Variants in NFIC observed in about 807,000 individuals in gnomAD.
The protein encoded by NFIC is nuclear factor I C, also known as nuclear factor 1 C-type.
Under a neutral mutation model 54.4 loss-of-function variants are expected in NFIC, and 12 were observed. That is an observed-to-expected ratio of 0.22 (90% CI 0.14 to 0.36). The LOEUF (loss-of-function observed/expected upper bound fraction) is 0.36, where lower values mean the gene tolerates loss of function less well. NFIC is among the 10% of genes least tolerant of loss of function. NFIC has a pLI of 1.00. For synonymous variants in NFIC, 322 were observed against 319.2 expected (o/e 1.01, Z -0.09); for missense variants, 575 against 718.2 (o/e 0.80, Z 2.28).
intron 2 of NFIC, among the ~76,000 whole-genome samples, chr19:3,404,624 G>A (rs933217870): frequency 1.3e-5 from 2 of 152,088 alleles, no homozygotes; most frequent in Admixed American, 6.5e-5. Flanking sequence ...GGGCAGGGCC[G>A]GGTGCCCGAG....
At chr19:3,366,556 C>CGGGGGGGGGGGGGGGGGGGGGG, upstream of NFIC, 2 of 490,740 alleles carry the variant, frequency 4.1e-6, no homozygotes, top group Non-Finnish European at 5.8e-6. Flanking sequence ...TTGGGGGGGG[C>CGGGGGGGGGGGGGGGGGGGGGG]GGGGGGGTGG....
intron 2 of NFIC, among the ~76,000 whole-genome samples, chr19:3,390,569 A>G (rs1178579978): frequency 1.3e-5 from 2 of 152,134 alleles, no homozygotes; most frequent in African/African-American, 4.8e-5. Flanking sequence ...TCCCCCATCA[A>G]ATGGGGATGA....
At chr19:3,366,264 C>T (rs955086688), upstream of NFIC, among the ~76,000 whole-genome samples, 5 of 140,840 alleles carry the variant, frequency 3.6e-5, no homozygotes, top group African/African-American at 8.0e-5. Context: ...CCTGAGACGT[C>T]GGGGGAGGCT....
chr19:3,462,880 C>A lies in NFIC; in HGVS notation c.*111C>A. On this transcript the variant is annotated 3_prime_UTR_variant, in exon 11 of 11. Transcript: ENST00000443272. ...GGAAAATTAGAGTGAACAAGAACACCCCTGCCGACTCCCAGCCCGGCCAAA... is the reference window on the plus strand; with the variant it reads ...GGAAAATTAGAGTGAACAAGAACACACCTGCCGACTCCCAGCCCGGCCAAA... 1 of 1,588,344 alleles carries A rather than the reference C, an allele frequency of 6.3e-7. No individual in the cohort carries two copies. The highest frequency in any genetic ancestry group is 8.5e-7 in the Non-Finnish European group (1 of 1,170,512).
intron 6 of NFIC, among the ~76,000 whole-genome samples, chr19:3,448,735 A>T (rs1440692835): frequency 6.6e-6 from 1 of 152,094 alleles, no homozygotes; most frequent in African/African-American, 2.4e-5. Context: ...ATTTCTCTGG[A>T]AGGAGAGTAG....
At chr19:3,366,384 CAGAG>C (rs901160305), upstream of NFIC, among the ~76,000 whole-genome samples, 624 of 147,990 alleles carry the variant, frequency 4.2e-3, 4 homozygotes, top group African/African-American at 0.014. Flanking sequence ...GAGAGAGAGA[CAGAG>C]AGACAGAGAC....
At chr19:3,456,151 A>T (rs2082551230) in intron 9 of NFIC, among the ~76,000 whole-genome samples, 1 of 152,254 alleles carries the variant, frequency 6.6e-6, no homozygotes, top group Non-Finnish European at 1.5e-5. Context: ...GAGGAAGATT[A>T]ATAAATAAAA....
intron 1 of NFIC, among the ~76,000 whole-genome samples, 172 bp from the exon 2 acceptor site, chr19:3,381,540 G>A (rs978292326): frequency 6.6e-6 from 1 of 152,080 alleles, no homozygotes; most frequent in Non-Finnish European, 1.5e-5. Context: ...GGCCTTTTGC[G>A]TGCCTCCGGC....
intron 2 of NFIC, among the ~76,000 whole-genome samples, chr19:3,417,360 G>A (rs573513875): frequency 1.1e-4 from 17 of 152,278 alleles, no homozygotes; most frequent in South Asian, 2.1e-4. Context: ...TACGCTGTGC[G>A]CACTGGGCCT....
chr19:3,448,665 C>T (rs1201921475), intron 6 of NFIC, among the ~76,000 whole-genome samples: 2 of 152,194 alleles, frequency 1.3e-5, no homozygotes, highest in East Asian at 3.8e-4. Context: ...TCTGCCCTCC[C>T]TGCCACCTTC....
chr19:3,397,971 C>T (rs1028721649), intron 2 of NFIC, among the ~76,000 whole-genome samples: 1 of 152,208 alleles, frequency 6.6e-6, no homozygotes, highest in Non-Finnish European at 1.5e-5. Flanking sequence ...CCCTTCATCT[C>T]TCTGTGCCTC....
intron 2 of NFIC, among the ~76,000 whole-genome samples, chr19:3,388,097 C>T (rs948748505): frequency 2.0e-5 from 3 of 152,182 alleles, no homozygotes; most frequent in Non-Finnish European, 4.4e-5. Flanking sequence ...GGGCCAGCCT[C>T]CTGTTCCCGC....
chr19:3,436,230 G>A (rs1019681679), intron 6 of NFIC, among the ~76,000 whole-genome samples: 2 of 148,710 alleles, frequency 1.3e-5, no homozygotes, highest in Non-Finnish European at 3.0e-5. Flanking sequence ...CTGCAGCCTC[G>A]ACCTCCCAGG....
chr19:3,445,396 G>T (rs1185263541), intron 6 of NFIC, among the ~76,000 whole-genome samples: 8 of 152,208 alleles, frequency 5.3e-5, no homozygotes, highest in African/African-American at 1.9e-4. Context: ...TCTCTGGGTG[G>T]CTCAGCCTCG....
chr19:3,453,797 A>AAAATGGT lies in NFIC; in HGVS notation c.1304_1305insAAATGGT (p.His435GlnfsTer109). The AAAATGGT allele has an allele frequency of 3.1e-6, 5 of 1,605,892 alleles. No individual in the cohort carries two copies. The highest frequency in any genetic ancestry group is 4.2e-6 in the Non-Finnish European group (5 of 1,176,578). ...AGTGGTCAGCTCAAAATGCCCAGCC[A>AAAATGGT]CTGCCTTTCTGCTCAGATGCTGGCA... On this transcript the variant is annotated frameshift_variant, in exon 9 of 11. Coordinates refer to ENST00000443272, the MANE Select transcript of NFIC (RefSeq NM_001245002.2). LOFTEE classifies it high-confidence loss of function. The surrounding 1 kb of genome is among the most constrained non-coding windows in gnomAD (Gnocchi z 6.7).
chr19:3,381,848 C>A lies in NFIC; in HGVS notation c.167C>A (p.Ala56Glu), dbSNP rs560121964. 1 of 1,613,996 alleles carries A rather than the reference C, an allele frequency of 6.2e-7. No individual in the cohort carries two copies. Among genetic ancestry groups the A allele is most frequent in the Non-Finnish European group, 8.5e-7 (1 of 1,179,960 alleles). ...CGGATGTCGAAGGACGAGGAGCGTGCGGTCAAGGACGAGCTGCTGGGCGAG... is the reference window on the plus strand; with the variant it reads ...CGGATGTCGAAGGACGAGGAGCGTGAGGTCAAGGACGAGCTGCTGGGCGAG... Reference protein sequence around the residue: ...EKRMSKDEERAVKDELLGEKP... With the variant: ...EKRMSKDEEREVKDELLGEKP... Residue 56 changes from alanine to glutamate, a missense_variant, in exon 2 of 11, where the codon GCG becomes GAG. Around this residue, in one of 3 missense-constraint regions of NFIC, gnomAD observed 122 missense variants for 158.0 expected, o/e 0.77. Coordinates refer to ENST00000443272, the MANE Select transcript of NFIC (RefSeq NM_001245002.2).
chr19:3,383,861 T>A (rs1221240084), intron 2 of NFIC, among the ~76,000 whole-genome samples: 13 of 152,174 alleles, frequency 8.5e-5, no homozygotes, highest in Admixed American at 8.5e-4. Flanking sequence ...AGACTGCCCA[T>A]GCTCCAGACA....
intron 2 of NFIC, among the ~76,000 whole-genome samples, chr19:3,390,290 G>A (rs546625050): frequency 6.6e-6 from 1 of 152,330 alleles, no homozygotes; most frequent in South Asian, 2.1e-4. Context: ...GGTGGCTGCC[G>A]GGCGTGAGTC....
chr19:3,415,538 G>T (rs1354852662), intron 2 of NFIC, among the ~76,000 whole-genome samples: 5 of 152,074 alleles, frequency 3.3e-5, no homozygotes, highest in African/African-American at 1.2e-4. Flanking sequence ...CCCAGAGATG[G>T]GCAGGGGTTT....
Sources: allele counts gnomAD v4.1 joint callset (sites outside exome capture counted in the v4.1 genomes callset), GRCh38; gene constraint gnomAD v4.1.1; regional missense constraint gnomAD v4.1.1; non-coding constraint Gnocchi (gnomAD v3.1); transcripts MANE v1.5; gene names NCBI Gene and HGNC (gene_info 2026-07-23, HGNC 2026-07-21).